The following NAV3 variants were observed in gnomAD, a reference collection of about 807,000 sequenced individuals.
NAV3 encodes neuron navigator 3, also known as pore membrane and/or filament interacting like protein 1.
Under a neutral mutation model 244.7 loss-of-function variants are expected in NAV3, and 87 were observed. The observed-to-expected ratio is 0.36, with a 90% CI of 0.30 to 0.42. NAV3 has a LOEUF of 0.42. Among genes scored for constraint, NAV3 ranks in the 20% least tolerant of loss-of-function variants. The pLI is 1.00. For missense variants in NAV3, 2,663 were observed against 2,893.3 expected (o/e 0.92, Z 1.83); for synonymous variants, 1,126 against 1,042.2 (o/e 1.08, Z -1.55).
chr12:77,969,188 A>G (rs12823698), intron 5 of NAV3, among the ~76,000 whole-genome samples: 1 of 148,512 alleles, frequency 6.7e-6, no homozygotes. Flanking sequence ...GTGTGTGTGT[A>G]TGTGTGTATG....
intron 2 of NAV3, among the ~76,000 whole-genome samples, chr12:77,730,839 G>C (rs1214118348): frequency 6.7e-6 from 1 of 150,020 alleles, no homozygotes; most frequent in Non-Finnish European, 1.5e-5. Context: ...GGGATAAAGA[G>C]AAAATCTTAA....
chr12:77,579,116 C>T (rs1753338046), intron 2 of NAV3, among the ~76,000 whole-genome samples: 1 of 152,164 alleles, frequency 6.6e-6, no homozygotes, highest in Non-Finnish European at 1.5e-5. Flanking sequence ...CTCTACTCTC[C>T]TAAAAGTGGA....
chr12:77,746,714 A>T (rs1868563844), intron 2 of NAV3, among the ~76,000 whole-genome samples: 2 of 152,126 alleles, frequency 1.3e-5, no homozygotes. Context: ...TGAATACAGA[A>T]AGCTAGTACA....
intron 2 of NAV3, among the ~76,000 whole-genome samples, chr12:77,608,476 G>A (rs904977774): frequency 6.6e-6 from 1 of 151,992 alleles, no homozygotes; most frequent in African/African-American, 2.4e-5. Context: ...TATATCCTAT[G>A]TGCAAAATAT....
chr12:77,700,963 A>AT (rs1875534324), intron 2 of NAV3, among the ~76,000 whole-genome samples: 1 of 151,478 alleles, frequency 6.6e-6, no homozygotes, highest in Non-Finnish European at 1.5e-5. Flanking sequence ...ACTTTCTAAT[A>AT]TTTCATTAAA....
intron 3 of NAV3, among the ~76,000 whole-genome samples, chr12:77,956,877 G>A (rs1891415259): frequency 6.6e-6 from 1 of 152,064 alleles, no homozygotes; most frequent in African/African-American, 2.4e-5. Context: ...AGAGTAGCTG[G>A]GATTACAGGC....
intron 1 of NAV3, among the ~76,000 whole-genome samples, chr12:77,879,604 C>G (rs959013245): frequency 1.1e-4 from 14 of 126,314 alleles, no homozygotes; most frequent in Non-Finnish European, 6.4e-5. Context: ...GAACCTGGGG[C>G]GGGGAGGTGG....
intron 2 of NAV3, among the ~76,000 whole-genome samples, chr12:77,656,628 T>C (rs1270244955): frequency 3.0e-5 from 4 of 134,930 alleles, no homozygotes; most frequent in Non-Finnish European, 4.6e-5. Context: ...TCTACAGAAC[T>C]CTCCACCCCA....
chr12:77,647,726 T>C (rs1023723521), intron 2 of NAV3, among the ~76,000 whole-genome samples: 3 of 152,096 alleles, frequency 2.0e-5, no homozygotes, highest in African/African-American at 4.8e-5. Flanking sequence ...TATGGAACAA[T>C]GTATTATAGA....
chr12:78,084,692 C>T (rs914753047), intron 12 of NAV3, among the ~76,000 whole-genome samples: 7 of 151,922 alleles, frequency 4.6e-5, no homozygotes, highest in African/African-American at 1.5e-4. Context: ...CTGTTGAATC[C>T]ACTCCATTCA....
In NAV3 at chr12:78,121,551, T is replaced by G. The variant is rs1955669649; in HGVS notation, c.3750-389T>G. Among the ~76,000 whole-genome samples the G allele has an allele frequency of 4.6e-5, 7 of 152,184 alleles. No individual in the cohort carries two copies. The South Asian group carries it at 1.4e-3, about 31-fold the overall frequency. On this transcript the variant is annotated intron_variant, in intron 15 of 39. Coordinates refer to ENST00000397909, the MANE Select transcript of NAV3 (RefSeq NM_001024383.2). ...AAAAGAGAAGAGCTCATTTAAGTGT[T>G]GTCTATCGAATGCGTAGAAGTTGTT...
At chr12:77,746,099 C>A (rs1356910693) in intron 2 of NAV3, among the ~76,000 whole-genome samples, 1 of 150,752 alleles carries the variant, frequency 6.6e-6, no homozygotes, top group Non-Finnish European at 1.5e-5. Flanking sequence ...AAATAGCAGT[C>A]GAAAGAAAAA....
At chr12:77,820,116 G>T (rs1167816333) in intron 2 of NAV3, among the ~76,000 whole-genome samples, 3 of 149,322 alleles carry the variant, frequency 2.0e-5, no homozygotes, top group Admixed American at 2.0e-4. Flanking sequence ...GTGTGCACAC[G>T]CACTATTCTG....
chr12:78,074,766 C>T (rs2088699642), intron 12 of NAV3, among the ~76,000 whole-genome samples: 1 of 151,992 alleles, frequency 6.6e-6, no homozygotes, highest in Admixed American at 6.6e-5. Flanking sequence ...TATTCCAATG[C>T]CAATTGGCAT....
intron 1 of NAV3, among the ~76,000 whole-genome samples, chr12:77,907,135 C>T (rs1886069422): frequency 6.6e-6 from 1 of 152,150 alleles, no homozygotes. Context: ...GTGACAGGCT[C>T]ATGCTAGCTA....
chr12:78,009,861 A>T (rs981844401), intron 8 of NAV3, among the ~76,000 whole-genome samples: 1 of 152,210 alleles, frequency 6.6e-6, no homozygotes, highest in Non-Finnish European at 1.5e-5. Flanking sequence ...GATTTTGAGC[A>T]AATTACATGA....
intron 9 of NAV3, among the ~76,000 whole-genome samples, chr12:78,044,027 T>C (rs944020370): frequency 6.6e-6 from 1 of 152,226 alleles, no homozygotes; most frequent in South Asian, 2.1e-4. Flanking sequence ...CTGAATGGTA[T>C]TGCCTAGGTT....
At chr12:78,030,384 G>A (rs1199790712) in intron 9 of NAV3, among the ~76,000 whole-genome samples, 1 of 152,124 alleles carries the variant, frequency 6.6e-6, no homozygotes, top group Non-Finnish European at 1.5e-5. Context: ...AGCTCAGACT[G>A]GCCCACAGAA....
chr12:77,578,925 G>A (rs1189748382), intron 2 of NAV3, among the ~76,000 whole-genome samples: 2 of 151,628 alleles, frequency 1.3e-5, no homozygotes, highest in Non-Finnish European at 2.9e-5. Flanking sequence ...GACACAATTA[G>A]GAGACATTTA....
Sources: allele counts gnomAD v4.1 joint callset (sites outside exome capture counted in the v4.1 genomes callset), GRCh38; gene constraint gnomAD v4.1.1; transcripts MANE v1.5; gene names NCBI Gene and HGNC (gene_info 2026-07-23, HGNC 2026-07-21).